THSD7A: variants seen among roughly 807,000 people sequenced by gnomAD.
THSD7A encodes the protein thrombospondin type-1 domain-containing protein 7A.
In THSD7A, 96 loss-of-function variants were observed where a neutral mutation model predicts 231.3. The observed-to-expected ratio is 0.41, with a 90% confidence interval of 0.35 to 0.49. The LOEUF (loss-of-function observed/expected upper bound fraction) is 0.49. THSD7A is among the 20% of genes least tolerant of loss of function. The pLI is 0.05. For missense variants in THSD7A, 2,290 were observed against 2,070.2 expected (o/e 1.11, Z -2.06); for synonymous variants, 940 against 743.3 (o/e 1.26, Z -4.30).
At chr7:11,558,051 G>C (rs889015126) in intron 4 of THSD7A, among the ~76,000 whole-genome samples, 5 of 152,094 alleles carry the variant, frequency 3.3e-5, no homozygotes, top group Non-Finnish European at 7.4e-5. Flanking sequence ...GAAAGAGCAG[G>C]AATTTGTTAG....
chr7:11,569,583 G>A (rs1562729052), intron 4 of THSD7A, among the ~76,000 whole-genome samples: 1 of 152,180 alleles, frequency 6.6e-6, no homozygotes, highest in Non-Finnish European at 1.5e-5. Flanking sequence ...TGGTAGGAAT[G>A]TAAATTAGTG....
chr7:11,436,235 A>G (rs936829755), intron 13 of THSD7A, among the ~76,000 whole-genome samples: 4 of 152,106 alleles, frequency 2.6e-5, no homozygotes, highest in Admixed American at 2.0e-4. Context: ...AAGATGAAGT[A>G]ATGGAAGATG....
intron 6 of THSD7A, among the ~76,000 whole-genome samples, chr7:11,499,511 T>C (rs1787245409): frequency 6.6e-6 from 1 of 151,992 alleles, no homozygotes; most frequent in South Asian, 2.1e-4. Flanking sequence ...ATAATACGGA[T>C]AGGAACAAAG....
At chr7:11,461,943 C>A in intron 10 of THSD7A, 68 bp downstream of exon 10, 1 of 1,549,542 alleles carries the variant, frequency 6.5e-7, no homozygotes, top group South Asian at 1.2e-5. Context: ...TTTCCTTATC[C>A]TAGGAAAGGA....
At chr7:11,539,228 C>A (rs1789041169) in intron 6 of THSD7A, among the ~76,000 whole-genome samples, 1 of 152,148 alleles carries the variant, frequency 6.6e-6, no homozygotes, top group African/African-American at 2.4e-5. Context: ...CTTTTTCTTT[C>A]ATTCTATCAG....
chr7:11,385,112 G>T (rs1782677121), intron 23 of THSD7A: 1 of 140,748 alleles, frequency 7.1e-6, no homozygotes, highest in Non-Finnish European at 1.5e-5. Flanking sequence ...AGTTTTGCTG[G>T]TTAAAAAAAA....
At chr7:11,459,443 G>A (rs1028282217) in intron 11 of THSD7A, among the ~76,000 whole-genome samples, 2 of 152,008 alleles carry the variant, frequency 1.3e-5, no homozygotes, top group Non-Finnish European at 2.9e-5. Flanking sequence ...GATTTGAAAT[G>A]GAGGAGAACG....
At chr7:11,619,614 G>C (rs1781235863) in intron 2 of THSD7A, among the ~76,000 whole-genome samples, 1 of 151,558 alleles carries the variant, frequency 6.6e-6, no homozygotes, top group African/African-American at 2.4e-5. Flanking sequence ...AGAGATAGAG[G>C]CCTCAGTATC....
intron 6 of THSD7A, among the ~76,000 whole-genome samples, chr7:11,523,152 G>T (rs1166176776): frequency 6.6e-6 from 1 of 152,006 alleles, no homozygotes; most frequent in Non-Finnish European, 1.5e-5. Flanking sequence ...GTACTTTGGT[G>T]AATAAAGAAT....
At chr7:11,657,327 G>A (rs1364680789) in intron 1 of THSD7A, among the ~76,000 whole-genome samples, 1 of 151,724 alleles carries the variant, frequency 6.6e-6, no homozygotes, top group Non-Finnish European at 1.5e-5. Context: ...AGGTACAATT[G>A]TGAAGGTAGA....
chr7:11,549,032 C>A (rs1195636715), intron 4 of THSD7A, among the ~76,000 whole-genome samples: 1 of 151,910 alleles, frequency 6.6e-6, no homozygotes, highest in Non-Finnish European at 1.5e-5. Context: ...TATCCAGAAT[C>A]TACAAGGAAC....
intron 1 of THSD7A, among the ~76,000 whole-genome samples, chr7:11,753,773 G>GGAGAGA (rs149223505): frequency 1.3e-4 from 20 of 149,946 alleles, no homozygotes; most frequent in African/African-American, 4.9e-4. Context: ...ACAATGCAAT[G>GGAGAGA]GAGAGAGAGA....
chr7:11,828,914 A>G (rs538095868), intron 1 of THSD7A, among the ~76,000 whole-genome samples: 1 of 152,140 alleles, frequency 6.6e-6, no homozygotes, highest in Non-Finnish European at 1.5e-5. Context: ...CCAACCCCTT[A>G]TCTATCTTCC....
At chr7:11,613,150 A>C (rs1349314185) in intron 2 of THSD7A, among the ~76,000 whole-genome samples, 1 of 152,234 alleles carries the variant, frequency 6.6e-6, no homozygotes, top group African/African-American at 2.4e-5. Flanking sequence ...GATTCCCACC[A>C]CATTGAGGTT....
chr7:11,382,681 G>C (rs1183649991), intron 23 of THSD7A, 65 bp from the exon 24 acceptor site: 7 of 1,186,304 alleles, frequency 5.9e-6, no homozygotes, highest in Admixed American at 3.7e-5. Flanking sequence ...CATGGGGATA[G>C]AGTATTAATA....
intron 23 of THSD7A, among the ~76,000 whole-genome samples, chr7:11,387,436 T>C (rs1782794360): frequency 1.3e-5 from 2 of 152,202 alleles, no homozygotes; most frequent in African/African-American, 4.8e-5. Flanking sequence ...ACATCCCTCG[T>C]AGGTTGTATT....
intron 23 of THSD7A, among the ~76,000 whole-genome samples, chr7:11,388,375 TGTC>T (rs1285878938): frequency 6.6e-6 from 1 of 151,310 alleles, no homozygotes; most frequent in African/African-American, 2.4e-5. Flanking sequence ...TTTTAGAACT[TGTC>T]GTCTATTCAG....
chr7:11,411,110 CA>C lies in THSD7A; in HGVS notation c.3798+96del. ...AACAGTGCAGAAAAACATCTGCTGGCAATGAGCTGCATGGAGCACGGGTCAC... is the reference window on the plus strand; with the variant it reads ...AACAGTGCAGAAAAACATCTGCTGGCATGAGCTGCATGGAGCACGGGTCAC... On this transcript the variant is annotated intron_variant, in intron 19 of 27. Transcript: ENST00000423059. This position sits in a 1 kb window ranked among gnomAD's most constrained non-coding sequence, Gnocchi z 4.1. The C allele has an allele frequency of 1.2e-6, 1 of 813,556 alleles. No homozygotes were observed. Among genetic ancestry groups the C allele is most frequent in the Non-Finnish European group, 2.0e-6 (1 of 500,022 alleles). The allele number at this position is 813,556 out of a possible 1,614,324, so 50.4% of individuals were successfully genotyped here. A position where few individuals can be genotyped will look rare whatever the true frequency, so the allele number is the denominator to read the frequency against.
chr7:11,531,362 T>C (rs921628765), intron 6 of THSD7A, among the ~76,000 whole-genome samples: 1 of 152,152 alleles, frequency 6.6e-6, no homozygotes, highest in African/African-American at 2.4e-5. Context: ...TTCTGGTCAT[T>C]TGTTTCAAAC....
Sources: gnomAD v4.1 joint callset for allele counts (sites outside exome capture counted in the v4.1 genomes callset) on GRCh38, gnomAD v4.1.1 for gene constraint, Gnocchi (gnomAD v3.1) non-coding constraint, MANE v1.5 for transcripts, NCBI Gene and HGNC (gene_info 2026-07-23, HGNC 2026-07-21) for gene names.